ANKS1B: variants seen among roughly 807,000 people sequenced by gnomAD.
ANKS1B encodes the protein ankyrin repeat and sterile alpha motif domain containing 1B, also known as ankyrin repeat and sterile alpha motif domain-containing protein 1B.
Under a neutral mutation model 148.3 loss-of-function variants are expected in ANKS1B, and 36 were observed. That is an observed-to-expected ratio of 0.24 (90% CI 0.19 to 0.32). ANKS1B has a LOEUF of 0.32. ANKS1B is among the 10% of genes least tolerant of loss of function. ANKS1B has a pLI of 1.00. For synonymous variants in ANKS1B, 542 were observed against 560.8 expected (o/e 0.97, Z 0.47); for missense variants, 1,157 against 1,542.6 (o/e 0.75, Z 4.19).
At chr12:99,937,292 C>A (rs2094803418) in intron 1 of ANKS1B, among the ~76,000 whole-genome samples, 1 of 152,134 alleles carries the variant, frequency 6.6e-6, no homozygotes, top group Admixed American at 6.5e-5. Flanking sequence ...GGAAAGTAAC[C>A]TCCATCTTAA....
At chr12:98,974,319 T>C (rs2099888123) in intron 17 of ANKS1B, among the ~76,000 whole-genome samples, 1 of 152,156 alleles carries the variant, frequency 6.6e-6, no homozygotes, top group South Asian at 2.1e-4. Flanking sequence ...TGCTGAATGA[T>C]TGGGGAAACT....
chr12:99,480,437 T>A (rs896867742), intron 10 of ANKS1B, among the ~76,000 whole-genome samples: 14 of 151,910 alleles, frequency 9.2e-5, no homozygotes, highest in African/African-American at 3.4e-4. Context: ...TGATCTAATA[T>A]AACAGGAATA....
chr12:99,961,499 C>T (rs2095412038), intron 1 of ANKS1B, among the ~76,000 whole-genome samples: 1 of 152,166 alleles, frequency 6.6e-6, no homozygotes, highest in African/African-American at 2.4e-5. Context: ...TCCTATCTCC[C>T]TGCCTTCCCC....
At chr12:99,757,244 A>G (rs2061654033) in intron 8 of ANKS1B, among the ~76,000 whole-genome samples, 1 of 152,100 alleles carries the variant, frequency 6.6e-6, no homozygotes. Flanking sequence ...AACTTAAACA[A>G]ATTTACAAGA....
downstream of ANKS1B, chr12:98,743,869 A>T: frequency 2.1e-6 from 1 of 479,680 alleles, no homozygotes; most frequent in Non-Finnish European, 2.7e-6. Context: ...CAATTTTGCC[A>T]ATTAAAAAAG....
intron 9 of ANKS1B, among the ~76,000 whole-genome samples, chr12:99,541,463 C>CA (rs2153123890): frequency 6.6e-6 from 1 of 152,168 alleles, no homozygotes; most frequent in East Asian, 1.9e-4. Context: ...TTGGCTGGTT[C>CA]AATATATGAA....
chr12:99,314,066 A>T (rs940539351), intron 12 of ANKS1B, among the ~76,000 whole-genome samples: 1 of 152,236 alleles, frequency 6.6e-6, no homozygotes, highest in African/African-American at 2.4e-5. Context: ...AACTTCAGCA[A>T]AGTCTCAGGA....
intron 17 of ANKS1B, among the ~76,000 whole-genome samples, chr12:98,974,702 C>T (rs1207553354): frequency 6.6e-6 from 1 of 152,080 alleles, no homozygotes; most frequent in African/African-American, 2.4e-5. Context: ...TCCAGGTAGG[C>T]CTCGTAGACA....
intron 17 of ANKS1B, among the ~76,000 whole-genome samples, chr12:98,915,756 G>T (rs528046067): frequency 6.6e-6 from 1 of 152,300 alleles, no homozygotes; most frequent in East Asian, 1.9e-4. Context: ...AAATGTATGG[G>T]TGAATAAACA....
intron 26 of ANKS1B, among the ~76,000 whole-genome samples, chr12:98,748,426 C>A (rs79555919): frequency 0.021 from 3,263 of 152,152 alleles, 123 homozygotes; most frequent in African/African-American, 0.074. Flanking sequence ...GAACGGCCCT[C>A]AGGTGGATCT....
intron 12 of ANKS1B, among the ~76,000 whole-genome samples, chr12:99,359,155 T>A (rs143015900): frequency 2.0e-5 from 3 of 152,262 alleles, no homozygotes; most frequent in African/African-American, 7.2e-5. Flanking sequence ...TGATCCAGTA[T>A]CTCATTTGGT....
intron 17 of ANKS1B, among the ~76,000 whole-genome samples, chr12:98,971,469 A>T (rs1007856077): frequency 2.0e-5 from 3 of 152,214 alleles, no homozygotes; most frequent in Admixed American, 6.5e-5. Context: ...TATGTTTGTC[A>T]TTATGATTAA....
At chr12:99,544,750 T>G (rs1248992436) in intron 9 of ANKS1B, among the ~76,000 whole-genome samples, 2 of 152,164 alleles carry the variant, frequency 1.3e-5, no homozygotes, top group Admixed American at 1.3e-4. Context: ...GCTTTTTAAA[T>G]GCATATAGGT....
chr12:99,167,729 A>G (rs1203796092), intron 14 of ANKS1B, among the ~76,000 whole-genome samples: 1 of 152,104 alleles, frequency 6.6e-6, no homozygotes, highest in Non-Finnish European at 1.5e-5. Flanking sequence ...AACATATGCC[A>G]TACAGAGACT....
intron 12 of ANKS1B, among the ~76,000 whole-genome samples, chr12:99,282,852 G>T (rs12307325): frequency 0.31 from 47,802 of 152,020 alleles, 8,833 homozygotes; most frequent in African/African-American, 0.52. Context: ...CAAATGGAGA[G>T]GTCAAATAGT....
chr12:98,838,907 A>G (rs567930851), intron 17 of ANKS1B, among the ~76,000 whole-genome samples: 1 of 152,374 alleles, frequency 6.6e-6, no homozygotes, highest in East Asian at 1.9e-4. Flanking sequence ...CCCCTGCCTG[A>G]TAACAATTTC....
chr12:99,921,434 C>A (rs963300092), intron 1 of ANKS1B, among the ~76,000 whole-genome samples: 2 of 152,142 alleles, frequency 1.3e-5, no homozygotes, highest in Admixed American at 6.6e-5. Flanking sequence ...ATTACCCAGT[C>A]TCAGGGAAGT....
intron 12 of ANKS1B, among the ~76,000 whole-genome samples, chr12:99,399,337 G>A (rs190476210): frequency 6.6e-5 from 10 of 152,218 alleles, no homozygotes; most frequent in Non-Finnish European, 8.8e-5. Flanking sequence ...AGTTGATACC[G>A]CTGTGTGGTG....
chr12:99,876,785 T>A (rs2153733351), intron 1 of ANKS1B, among the ~76,000 whole-genome samples: 1 of 152,080 alleles, frequency 6.6e-6, no homozygotes, highest in Non-Finnish European at 1.5e-5. Context: ...ACACTGTATG[T>A]TTGGAAAAGT....
Sources: allele counts gnomAD v4.1 joint callset (sites outside exome capture counted in the v4.1 genomes callset), GRCh38; gene constraint gnomAD v4.1.1; transcripts MANE v1.5; gene names NCBI Gene and HGNC (gene_info 2026-07-23, HGNC 2026-07-21).